Variants in INPP5A observed in about 807,000 individuals in gnomAD.
The protein encoded by INPP5A is inositol polyphosphate-5-phosphatase A.
A neutral mutation model predicts 65.2 loss-of-function variants in INPP5A; 14 were observed. The observed-to-expected ratio is 0.21, with a 90% CI of 0.14 to 0.34. The LOEUF is 0.34. INPP5A is among the 10% of genes least tolerant of loss of function. The pLI, the probability that INPP5A is intolerant of heterozygous loss-of-function variation, is 1.00. For synonymous variants in INPP5A, 207 were observed against 208.3 expected, an observed-to-expected ratio of 0.99 and a Z score of 0.05; for missense variants, 431 against 545.6, an observed-to-expected ratio of 0.79 and a Z score of 2.09.
At chr10:132,665,518 G>A (rs2072790471) in intron 4 of INPP5A, among the ~76,000 whole-genome samples, 1 of 152,158 alleles carries the variant, frequency 6.6e-6, no homozygotes, top group African/African-American at 2.4e-5. Context: ...TGAGGCAGGT[G>A]AATTGCTTGA....
In INPP5A at chr10:132,622,348, G is replaced by A. The variant is rs375839816; in HGVS notation, c.117+14392G>A. 9.1e-3 allele frequency among the ~76,000 whole-genome samples: 1,321 copies of A among 145,242 alleles called. 5 individuals carry two copies. Among genetic ancestry groups the A allele is most frequent in the Admixed American group, 0.022 (309 of 14,310 alleles). On this transcript the variant is annotated intron_variant, in intron 2 of 15. Transcript: ENST00000368594. ...GATTGGAAGACTCAGTTACGCTGAC[G>A]TGTTAGAACTTGAGAAATATACCGC... is the stretch of plus-strand genomic sequence containing the variant.
At chr10:132,717,389 A>G (rs1590950899) in intron 8 of INPP5A, among the ~76,000 whole-genome samples, 1 of 151,484 alleles carries the variant, frequency 6.6e-6, no homozygotes, top group East Asian at 1.9e-4. Context: ...CCTCAAGAGC[A>G]GTGGTTGCTG....
chr10:132,607,270 G>A (rs188840361), intron 1 of INPP5A, among the ~76,000 whole-genome samples: 167 of 152,346 alleles, frequency 1.1e-3, no homozygotes, highest in Non-Finnish European at 2.1e-3. Flanking sequence ...AGCTTCCTGG[G>A]GCCTGGGTCT....
chr10:132,697,198 G>C lies in INPP5A; in HGVS notation c.371-618G>C, dbSNP rs774197305. Among the ~76,000 whole-genome samples the C allele has an allele frequency of 3.9e-5, 6 of 152,234 alleles. No homozygotes were observed. Among genetic ancestry groups the C allele is most frequent in the Non-Finnish European group, 8.8e-5 (6 of 68,038 alleles). ...CATCCTTGATCACACCCCACCTTGG[G>C]TGTGGAGCTACCTGTCCATAAAAAG... is the stretch of plus-strand genomic sequence containing the variant. On this transcript the variant is annotated intron_variant, in intron 5 of 15. Coordinates refer to ENST00000368594, the MANE Select transcript of INPP5A (RefSeq NM_005539.5). This position sits in a 1 kb window ranked among gnomAD's most constrained non-coding sequence, Gnocchi z 5.6.
intron 2 of INPP5A, among the ~76,000 whole-genome samples, chr10:132,641,063 G>A (rs1015741750): frequency 5.9e-5 from 9 of 152,242 alleles, no homozygotes; most frequent in Non-Finnish European, 8.8e-5. Flanking sequence ...GGTGTTCACT[G>A]CCTCGATTCA....
At chr10:132,624,046 G>A (rs539990194) in intron 2 of INPP5A, among the ~76,000 whole-genome samples, 5 of 152,262 alleles carry the variant, frequency 3.3e-5, no homozygotes, top group African/African-American at 4.8e-5. Flanking sequence ...CAGGGCCACC[G>A]GAAGTCCTAT....
intron 4 of INPP5A, among the ~76,000 whole-genome samples, chr10:132,660,655 G>A (rs1331157346): frequency 2.6e-5 from 4 of 152,176 alleles, no homozygotes; most frequent in African/African-American, 7.2e-5. Flanking sequence ...TGCCATTCAC[G>A]GTGAGAGAAG....
At chr10:132,720,107 G>C (rs1162285451) in intron 8 of INPP5A, among the ~76,000 whole-genome samples, 3 of 149,942 alleles carry the variant, frequency 2.0e-5, no homozygotes, top group Non-Finnish European at 4.4e-5. Context: ...CGGGTTCTGT[G>C]GTACCTGGGT....
At chr10:132,773,869 T>TC (rs1846999045) in intron 12 of INPP5A, among the ~76,000 whole-genome samples, 1 of 152,060 alleles carries the variant, frequency 6.6e-6, no homozygotes, top group South Asian at 2.1e-4. Context: ...CAAGCGATTT[T>TC]CCCCCCTCAG....
chr10:132,540,250 G>A (rs773341344), intron 1 of INPP5A, among the ~76,000 whole-genome samples: 1 of 152,108 alleles, frequency 6.6e-6, no homozygotes, highest in African/African-American at 2.4e-5. Flanking sequence ...TAGCATTTTT[G>A]TTGTGTTTCA....
At chr10:132,599,472 G>A (rs981346363) in intron 1 of INPP5A, among the ~76,000 whole-genome samples, 3 of 152,208 alleles carry the variant, frequency 2.0e-5, no homozygotes, top group Non-Finnish European at 2.9e-5. Context: ...CCGCCCCTGC[G>A]GTTCTGCATG....
At chr10:132,695,491 G>A (rs1845331432) in intron 5 of INPP5A, among the ~76,000 whole-genome samples, 1 of 152,186 alleles carries the variant, frequency 6.6e-6, no homozygotes, top group Non-Finnish European at 1.5e-5. Flanking sequence ...GAAAATCTTA[G>A]ATAATGTAAT....
At chr10:132,622,104 T>G (rs552130283) in intron 2 of INPP5A, among the ~76,000 whole-genome samples, 1 of 152,380 alleles carries the variant, frequency 6.6e-6, no homozygotes, top group South Asian at 2.1e-4. Flanking sequence ...ACATTAGCTA[T>G]CAATAATTGG....
chr10:132,615,906 CA>C (rs1456184196), intron 2 of INPP5A, among the ~76,000 whole-genome samples: 5 of 152,246 alleles, frequency 3.3e-5, no homozygotes, highest in Non-Finnish European at 5.9e-5. Flanking sequence ...CAAAGCTGTG[CA>C]GCTGAGCCTC....
chr10:132,632,229 T>G (rs117007325), intron 2 of INPP5A, among the ~76,000 whole-genome samples: 2,307 of 152,354 alleles, frequency 0.015, 33 homozygotes, highest in South Asian at 0.039. Flanking sequence ...TTGTCCAGGA[T>G]CGTGCAGGCT....
At chr10:132,681,599 G>A (rs776973153) in intron 4 of INPP5A, among the ~76,000 whole-genome samples, 18 of 152,220 alleles carry the variant, frequency 1.2e-4, no homozygotes, top group African/African-American at 3.9e-4. Context: ...AATAGCAGGT[G>A]CTGATAACGA....
chr10:132,696,405 G>A (rs576879977), intron 5 of INPP5A, among the ~76,000 whole-genome samples: 3 of 152,300 alleles, frequency 2.0e-5, no homozygotes, highest in Non-Finnish European at 4.4e-5. Context: ...TGCACTTCCT[G>A]ACTTCAAGAC....
chr10:132,595,981 A>G (rs1240160218), intron 1 of INPP5A, among the ~76,000 whole-genome samples: 1 of 152,184 alleles, frequency 6.6e-6, no homozygotes, highest in Non-Finnish European at 1.5e-5. Flanking sequence ...TTTAAGAGAA[A>G]AAGAAGGCAT....
intron 2 of INPP5A, among the ~76,000 whole-genome samples, chr10:132,629,388 C>G (rs1377987131): frequency 2.0e-5 from 3 of 152,250 alleles, no homozygotes; most frequent in Non-Finnish European, 4.4e-5. Flanking sequence ...GGCCCTGCAG[C>G]TGTTCAGTGT....
Sources: allele counts gnomAD v4.1 joint callset (sites outside exome capture counted in the v4.1 genomes callset), GRCh38; gene constraint gnomAD v4.1.1; non-coding constraint Gnocchi (gnomAD v3.1); transcripts MANE v1.5; gene names NCBI Gene and HGNC (gene_info 2026-07-23, HGNC 2026-07-21).